The following KSR1 variants were observed in gnomAD, a reference collection of about 807,000 sequenced individuals.
KSR1 encodes the protein kinase suppressor of ras 1, also known as kinase suppressor of ras.
A neutral mutation model predicts 92.9 loss-of-function variants in KSR1; 35 were observed. The observed-to-expected ratio is 0.38, with a 90% CI of 0.29 to 0.50. The LOEUF (loss-of-function observed/expected upper bound fraction) is 0.50, where lower values mean the gene tolerates loss of function less well. Ranked by LOEUF, KSR1 falls within the 20% of genes least tolerant of loss-of-function variation. KSR1 has a pLI of 0.94. For synonymous variants in KSR1, 467 were observed against 472.6 expected (o/e 0.99, Z 0.15); for missense variants, 972 against 1,158.5 (o/e 0.84, Z 2.34).
At chr17:27,581,372 C>T (rs2072747328) in intron 3 of KSR1, among the ~76,000 whole-genome samples, 1 of 152,170 alleles carries the variant, frequency 6.6e-6, no homozygotes, top group South Asian at 2.1e-4. Flanking sequence ...ATTCAAGGCC[C>T]TTCCTGATCT....
chr17:27,512,929 C>T (rs2069654298), intron 1 of KSR1, among the ~76,000 whole-genome samples: 1 of 152,140 alleles, frequency 6.6e-6, no homozygotes. Context: ...ACCCTGCCAG[C>T]GCCCCCGGAG....
intron 1 of KSR1, among the ~76,000 whole-genome samples, chr17:27,494,884 G>T (rs1419393461): frequency 6.6e-6 from 1 of 152,236 alleles, no homozygotes; most frequent in Non-Finnish European, 1.5e-5. Flanking sequence ...GTGGCTCCCT[G>T]TGCCTGGGAG....
chr17:27,577,631 C>T lies in KSR1; in HGVS notation c.512C>T (p.Thr171Ile). The change falls in exon 3 of 21, where the codon ACA becomes ATA. Residue 171 changes from threonine to isoleucine, a missense_variant. Coordinates refer to ENST00000644974, the MANE Select transcript of KSR1 (RefSeq NM_001394583.1). This position sits in a 1 kb window ranked among gnomAD's most constrained non-coding sequence, Gnocchi z 4.5. Reference protein sequence around the residue: ...QYALTCLRKVTGLGGEHKEDS... With the variant: ...QYALTCLRKVIGLGGEHKEDS... ...GCCCTCACCTGCCTGCGGAAGGTGA[C>T]AGGCCTGGGTACGTGGGGCCTGCCA... is the stretch of plus-strand genomic sequence containing the variant. 1 of 1,572,580 alleles carries T rather than the reference C, an allele frequency of 6.4e-7. No individual in the cohort carries two copies. Among genetic ancestry groups the T allele is most frequent in the Non-Finnish European group, 8.6e-7 (1 of 1,164,544 alleles).
chr17:27,601,532 T>C, intron 11 of KSR1, 131 bp downstream of exon 11: 1 of 754,982 alleles, frequency 1.3e-6, no homozygotes, highest in Non-Finnish European at 2.2e-6. Context: ...TTCTGAGAGC[T>C]GACTGCCCAT....
intron 1 of KSR1, among the ~76,000 whole-genome samples, chr17:27,468,528 C>T (rs555556595): frequency 5.4e-4 from 82 of 152,324 alleles, no homozygotes; most frequent in African/African-American, 1.8e-3. Context: ...CGTGCCTGGC[C>T]TGTGGCCAAT....
Position 27,605,451 on chromosome 17 carries a change from T to C in KSR1, c.1632T>C (p.Ala544=). 1 of 1,610,018 alleles carries C rather than the reference T, an allele frequency of 6.2e-7. No individual in the cohort carries two copies. The highest frequency in any genetic ancestry group is 8.5e-7 in the Non-Finnish European group (1 of 1,178,998). The change falls in exon 14 of 21, where the codon GCT becomes GCC. Residue 544 remains alanine, a synonymous_variant. Coordinates refer to ENST00000644974, the MANE Select transcript of KSR1 (RefSeq NM_001394583.1). ...CCTTTCAGGCTGAGGAGCCAGAGGC[T>C]GGCAAGTCAGAGGCAGAAGACGATG... ...AHEAEAEEPE[A]GKSEAEDDED...
intron 1 of KSR1, among the ~76,000 whole-genome samples, chr17:27,535,554 C>T (rs1020621652): frequency 1.6e-4 from 24 of 152,306 alleles, no homozygotes; most frequent in Admixed American, 7.8e-4. Flanking sequence ...CCTTGTTCCA[C>T]GGGAAGCTTG....
intron 2 of KSR1, among the ~76,000 whole-genome samples, chr17:27,572,238 G>A (rs1314550371): frequency 6.6e-6 from 1 of 152,206 alleles, no homozygotes; most frequent in Non-Finnish European, 1.5e-5. Context: ...ACAGGCAGAG[G>A]CAGGGAGCCA....
intron 2 of KSR1, among the ~76,000 whole-genome samples, chr17:27,555,869 G>C (rs1284772894): frequency 6.6e-6 from 1 of 152,082 alleles, no homozygotes; most frequent in Non-Finnish European, 1.5e-5. Context: ...TATTGTAGGG[G>C]GTAAAATGAA....
chr17:27,481,677 G>C (rs1187121656), intron 1 of KSR1, among the ~76,000 whole-genome samples: 1 of 152,122 alleles, frequency 6.6e-6, no homozygotes, highest in Non-Finnish European at 1.5e-5. Context: ...TCCTTTTGGG[G>C]GTTCAGCTTC....
intron 1 of KSR1, among the ~76,000 whole-genome samples, chr17:27,493,561 CAAGTGACCTTGA>C (rs917128399): frequency 6.6e-6 from 1 of 152,192 alleles, no homozygotes; most frequent in African/African-American, 2.4e-5. Context: ...TTGCTTATTG[CAAGTGACCTTGA>C]ATTACCTAAA....
intron 18 of KSR1, among the ~76,000 whole-genome samples, chr17:27,611,982 A>T (rs968452126): frequency 2.4e-4 from 36 of 152,216 alleles, no homozygotes; most frequent in Admixed American, 2.3e-3. Flanking sequence ...ATCACTGCTG[A>T]AAATACAAAT....
At chr17:27,494,500 C>T (rs1383234088) in intron 1 of KSR1, among the ~76,000 whole-genome samples, 5 of 152,152 alleles carry the variant, frequency 3.3e-5, no homozygotes, top group East Asian at 1.9e-4. Flanking sequence ...CCCAGGGTCA[C>T]GTGCCTGGTC....
intron 20 of KSR1, 140 bp from the exon 21 acceptor site, chr17:27,623,174 C>G (rs2074272074): frequency 1.5e-6 from 1 of 684,596 alleles, no homozygotes; most frequent in Non-Finnish European, 2.7e-6. Flanking sequence ...GGCAGCTCTG[C>G]CAGGGCTGTT....
chr17:27,596,731 T>C (rs889468209), intron 9 of KSR1, among the ~76,000 whole-genome samples: 2 of 152,256 alleles, frequency 1.3e-5, no homozygotes, highest in Non-Finnish European at 2.9e-5. Context: ...TCGCTTATCA[T>C]TGGTCTCCCT....
chr17:27,573,216 T>A (rs1329472775), intron 2 of KSR1, among the ~76,000 whole-genome samples: 2 of 152,250 alleles, frequency 1.3e-5, no homozygotes, highest in African/African-American at 4.8e-5. Flanking sequence ...GTTATCACCA[T>A]GTAAAAGCCA....
At chr17:27,594,766 C>T (rs1401690787) in intron 9 of KSR1, among the ~76,000 whole-genome samples, 1 of 152,130 alleles carries the variant, frequency 6.6e-6, no homozygotes, top group African/African-American at 2.4e-5. Flanking sequence ...CCCCACATTC[C>T]CCTTCAGCAC....
chr17:27,585,179 A>G (rs2072919852), intron 4 of KSR1, among the ~76,000 whole-genome samples: 1 of 151,932 alleles, frequency 6.6e-6, no homozygotes, highest in Admixed American at 6.6e-5. Flanking sequence ...TAGGTGATCC[A>G]CTCGTGTCAG....
At chr17:27,526,638 A>T (rs1410343392) in intron 1 of KSR1, 5 of 1,561,666 alleles carry the variant, frequency 3.2e-6, no homozygotes, top group Non-Finnish European at 4.4e-6. Flanking sequence ...ATCTTTTTTA[A>T]AGCACCTTCC....
Sources: gnomAD v4.1 joint callset for allele counts (sites outside exome capture counted in the v4.1 genomes callset) on GRCh38, gnomAD v4.1.1 for gene constraint, Gnocchi (gnomAD v3.1) non-coding constraint, MANE v1.5 for transcripts, NCBI Gene and HGNC (gene_info 2026-07-23, HGNC 2026-07-21) for gene names.